The following ARIH1 variants were observed in gnomAD, a reference collection of about 807,000 sequenced individuals.
ARIH1 encodes the protein E3 ubiquitin-protein ligase ARIH1.
Under a neutral mutation model 85.0 loss-of-function variants are expected in ARIH1, and 8 were observed. The observed-to-expected ratio is 0.09, with a 90% CI of 0.06 to 0.17. The LOEUF (loss-of-function observed/expected upper bound fraction) is 0.17, where lower values mean the gene tolerates loss of function less well. ARIH1 is among the 10% of genes least tolerant of loss of function. The pLI is 1.00. For synonymous variants in ARIH1, 238 were observed against 253.6 expected (o/e 0.94, Z 0.59); for missense variants, 311 against 718.1 (o/e 0.43, Z 6.48).
At chr15:72,536,317 G>A (rs1258613073) in intron 2 of ARIH1, among the ~76,000 whole-genome samples, 3 of 152,080 alleles carry the variant, frequency 2.0e-5, no homozygotes, top group African/African-American at 7.2e-5. Context: ...GGCTGGTTCC[G>A]AACTCTGGGC....
At position 72,518,093 on chromosome 15, in the gene ARIH1, C is replaced by A. The variant is rs772636210; in HGVS notation, c.402C>A (p.Leu134=). The stretch of plus-strand genomic sequence containing the variant: ...ATCCAGCAACTATCACAAGAATACT[C>A]CTTAGCCACTTCAATTGGGATAAAG... ...IQNPATITRI[L]LSHFNWDKEK... Residue 134 remains leucine (L), a synonymous_variant, in exon 2 of 14, where the codon CTC becomes CTA. Transcript: ENST00000379887. 2 of 1,611,812 alleles carry A rather than the reference C, an allele frequency of 1.2e-6. No homozygotes were observed. The highest frequency in any genetic ancestry group is 4.5e-5 in the East Asian group (2 of 44,800).
chr15:72,507,123 A>G (rs2063929645), intron 1 of ARIH1, among the ~76,000 whole-genome samples: 1 of 152,004 alleles, frequency 6.6e-6, no homozygotes, highest in Non-Finnish European at 1.5e-5. Flanking sequence ...CCTGGGTTCA[A>G]GTGTTTCTCT....
chr15:72,558,060 A>G (rs1449022176), intron 5 of ARIH1, among the ~76,000 whole-genome samples: 5 of 152,198 alleles, frequency 3.3e-5, no homozygotes, highest in Non-Finnish European at 5.9e-5. Context: ...TGCTCTGGCC[A>G]GGACTTCCAG....
chr15:72,578,368 C>A (rs1400639787), intron 11 of ARIH1, among the ~76,000 whole-genome samples: 1 of 152,156 alleles, frequency 6.6e-6, no homozygotes, highest in African/African-American at 2.4e-5. Flanking sequence ...TGTGGGGGTT[C>A]TCTTCGATAG....
chr15:72,479,428 A>G (rs572787756), intron 1 of ARIH1, among the ~76,000 whole-genome samples: 1 of 150,202 alleles, frequency 6.7e-6, no homozygotes, highest in African/African-American at 2.4e-5. Flanking sequence ...TTTTTTGGAG[A>G]CGGAGTCTTG....
At chr15:72,488,761 C>G (rs1236470035) in intron 1 of ARIH1, among the ~76,000 whole-genome samples, 1 of 152,206 alleles carries the variant, frequency 6.6e-6, no homozygotes. Context: ...CTGGCACTAA[C>G]AAATTATTTT....
chr15:72,527,231 A>C (rs2064033698), intron 2 of ARIH1, among the ~76,000 whole-genome samples: 1 of 152,232 alleles, frequency 6.6e-6, no homozygotes, highest in African/African-American at 2.4e-5. Context: ...CCAAAATCAG[A>C]ATGTCAAACT....
intron 5 of ARIH1, among the ~76,000 whole-genome samples, chr15:72,557,155 G>A (rs1379927011): frequency 6.6e-6 from 1 of 151,618 alleles, no homozygotes; most frequent in Admixed American, 6.6e-5. Context: ...TATTCCTTAT[G>A]ACTGGTGTGA....
At chr15:72,578,333 C>G (rs1282876188) in intron 11 of ARIH1, among the ~76,000 whole-genome samples, 1 of 152,180 alleles carries the variant, frequency 6.6e-6, no homozygotes, top group Admixed American at 6.5e-5. Context: ...CAGTGGTGCT[C>G]TCCTTCCAGA....
chr15:72,477,474 T>G (rs1003750916), intron 1 of ARIH1, among the ~76,000 whole-genome samples: 4 of 152,358 alleles, frequency 2.6e-5, no homozygotes, highest in African/African-American at 9.6e-5. Flanking sequence ...AAGATACATT[T>G]GCAGGTGAAA....
At chr15:72,531,317 G>A (rs2064055794) in intron 2 of ARIH1, among the ~76,000 whole-genome samples, 1 of 151,918 alleles carries the variant, frequency 6.6e-6, no homozygotes, top group Non-Finnish European at 1.5e-5. Flanking sequence ...GTCCAGGCTG[G>A]AGTGCAGTGG....
chr15:72,482,620 C>A (rs2063820675), intron 1 of ARIH1, among the ~76,000 whole-genome samples: 1 of 152,118 alleles, frequency 6.6e-6, no homozygotes, highest in African/African-American at 2.4e-5. Flanking sequence ...GAAGTCATCA[C>A]ATTAGATTCT....
At chr15:72,484,757 A>G (rs912230334) in intron 1 of ARIH1, among the ~76,000 whole-genome samples, 1 of 135,198 alleles carries the variant, frequency 7.4e-6, no homozygotes, top group African/African-American at 2.5e-5. Context: ...ATGTGTGCAT[A>G]CATATATATG....
intron 1 of ARIH1, among the ~76,000 whole-genome samples, chr15:72,503,865 T>C (rs1367098536): frequency 6.6e-6 from 1 of 152,206 alleles, no homozygotes; most frequent in Non-Finnish European, 1.5e-5. Context: ...AAGTTTCATG[T>C]GGGCCCTGCG....
At chr15:72,556,223 T>G (rs750029037) in intron 5 of ARIH1, among the ~76,000 whole-genome samples, 1 of 152,212 alleles carries the variant, frequency 6.6e-6, no homozygotes, top group Admixed American at 6.5e-5. Flanking sequence ...ACTGACTTAT[T>G]GTGGAATAGC....
At chr15:72,518,300 T>C (rs1196680932) in intron 2 of ARIH1, among the ~76,000 whole-genome samples, 166 bp downstream of exon 2, 3 of 152,206 alleles carry the variant, frequency 2.0e-5, no homozygotes, top group African/African-American at 7.2e-5. Flanking sequence ...TTTGTAAATT[T>C]TGCAGTAAAT....
intron 10 of ARIH1, among the ~76,000 whole-genome samples, chr15:72,570,645 CCT>C (rs2064239620): frequency 6.6e-6 from 1 of 152,046 alleles, no homozygotes; most frequent in Non-Finnish European, 1.5e-5. Flanking sequence ...ATCAAATGTG[CCT>C]CTCTAGGCCA....
intron 1 of ARIH1, among the ~76,000 whole-genome samples, chr15:72,499,927 A>G (rs1040061795): frequency 1.2e-4 from 19 of 152,090 alleles, no homozygotes; most frequent in East Asian, 3.8e-4. Flanking sequence ...CCCCCCTGCA[A>G]CACTCTTAGG....
intron 3 of ARIH1, among the ~76,000 whole-genome samples, chr15:72,551,169 A>G (rs2064151208): frequency 6.6e-6 from 1 of 152,240 alleles, no homozygotes; most frequent in South Asian, 2.1e-4. Context: ...AAGAGCCACG[A>G]AAGGAAAGAA....
Sources: allele counts gnomAD v4.1 joint callset (sites outside exome capture counted in the v4.1 genomes callset), GRCh38; gene constraint gnomAD v4.1.1; transcripts MANE v1.5; gene names NCBI Gene and HGNC (gene_info 2026-07-23, HGNC 2026-07-21).